Variants in CERS5 observed in about 807,000 individuals in gnomAD.
CERS5 encodes LAG1 homolog, ceramide synthase 5.
Under a neutral mutation model 58.9 loss-of-function variants are expected in CERS5, and 37 were observed. That is an observed-to-expected ratio of 0.63 (90% confidence interval 0.48 to 0.83). The LOEUF is 0.83. Among genes scored for constraint, CERS5 ranks in the 40% least tolerant of loss-of-function variants. CERS5 has a pLI of 0.00. For synonymous variants in CERS5, 147 were observed against 177.8 expected (o/e 0.83, Z 1.38); for missense variants, 398 against 489.3 (o/e 0.81, Z 1.76).
chr12:50,150,137 A>T (rs1000799212), intron 1 of CERS5, among the ~76,000 whole-genome samples: 2 of 152,234 alleles, frequency 1.3e-5, no homozygotes, highest in Admixed American at 6.5e-5. Context: ...CAAAGTAGAC[A>T]TATAAAAAGA....
In CERS5 at chr12:50,130,428, TCC is replaced by T; in HGVS notation, c.*115_*116del. On this transcript the variant is annotated 3_prime_UTR_variant, in exon 10 of 10. Transcript: ENST00000317551. ...GTGAAAATATTTGCTTCTTTGATAC[TCC>T]TCAGTGCCTTGCAGTCTCCCAATCA... 1 of 909,544 alleles carries T rather than the reference TCC, an allele frequency of 1.1e-6. No individual in the cohort carries two copies. Among genetic ancestry groups the T allele is most frequent in the Non-Finnish European group, 1.6e-6 (1 of 641,514 alleles). The allele number at this position is 909,544 out of a possible 1,614,324, so 56.3% of individuals were successfully genotyped here.
At chr12:50,131,558 C>CAAAAAAAAAAAAA (rs752634104) in intron 9 of CERS5, among the ~76,000 whole-genome samples, 5 of 69,798 alleles carry the variant, frequency 7.2e-5, no homozygotes, top group Admixed American at 1.9e-4. Context: ...GACTCCATCT[C>CAAAAAAAAAAAAA]AAAAAAAAAA....
intron 8 of CERS5, 105 bp from the exon 9 acceptor site, chr12:50,134,807 CT>C: frequency 9.8e-7 from 1 of 1,015,750 alleles, no homozygotes; most frequent in Non-Finnish European, 1.4e-6. Context: ...CCTACCAGCC[CT>C]TTTATCAGCT....
At chr12:50,146,672 C>G (rs1188664406) in intron 1 of CERS5, among the ~76,000 whole-genome samples, 1 of 151,370 alleles carries the variant, frequency 6.6e-6, no homozygotes, top group African/African-American at 2.4e-5. Context: ...ACGGTGAAAC[C>G]CCGTCTCTAC....
At chr12:50,143,446 T>C (rs1202454129) in intron 2 of CERS5, 1 of 395,144 alleles carries the variant, frequency 2.5e-6, no homozygotes, top group Non-Finnish European at 4.5e-6. Flanking sequence ...AAAAAGGATA[T>C]TAAAAACCCA....
chr12:50,153,048 C>T (rs1233753300), intron 1 of CERS5, among the ~76,000 whole-genome samples: 2 of 151,710 alleles, frequency 1.3e-5, no homozygotes, highest in Admixed American at 6.6e-5. Flanking sequence ...CCAGCCTGGG[C>T]GACAGAGCAA....
At chr12:50,140,495 G>C (rs1392708756) in intron 4 of CERS5, among the ~76,000 whole-genome samples, 1 of 151,818 alleles carries the variant, frequency 6.6e-6, no homozygotes, top group Non-Finnish European at 1.5e-5. Context: ...CTGTTGCCCA[G>C]GCTGGTCTTG....
At chr12:50,150,608 T>C (rs1937855310) in intron 1 of CERS5, among the ~76,000 whole-genome samples, 1 of 151,906 alleles carries the variant, frequency 6.6e-6, no homozygotes. Flanking sequence ...ATGAAAGGAA[T>C]ATAAACTTAA....
rs572616548 is a variant in CERS5, at chr12:50,134,578, G to A, written c.997C>T (p.Arg333Trp). 6.3e-5 allele frequency: 102 copies of A among 1,614,104 alleles called. 1 individual carries two copies. The South Asian group carries it at 7.7e-4, about 12-fold the overall frequency. Residue 333 changes from arginine (R) to tryptophan (W), a missense_variant, in exon 9 of 10, where the codon CGG becomes TGG. Physicochemically the swap from Arg to Trp is moderately radical, Grantham distance 101. Around this residue, in one of 3 missense-constraint regions of CERS5, gnomAD observed 23 missense variants for 54.6 expected, o/e 0.42. Transcript: ENST00000317551. ...LHVIWSYLIA[R>W]IALKALIRGK... The stretch of plus-strand genomic sequence containing the variant: ...CTGATCAAGGCTTTCAAAGCAATCC[G>A]TGCAATTAGGTAGGACCAGATGACA...
At chr12:50,155,546 C>T (rs969083428) in intron 1 of CERS5, among the ~76,000 whole-genome samples, 7 of 150,888 alleles carry the variant, frequency 4.6e-5, no homozygotes, top group Admixed American at 1.3e-4. Flanking sequence ...ACCATCCTGG[C>T]TAACAGGGTG....
intron 1 of CERS5, among the ~76,000 whole-genome samples, chr12:50,156,423 T>A (rs1301554897): frequency 8.1e-6 from 1 of 123,864 alleles, no homozygotes; most frequent in Non-Finnish European, 1.7e-5. Context: ...AAACAAACTA[T>A]ATATATATAT....
chr12:50,148,944 ATATGTGTGTGTG>A (rs1049153170), intron 1 of CERS5, among the ~76,000 whole-genome samples: 1 of 121,232 alleles, frequency 8.2e-6, no homozygotes, highest in African/African-American at 3.3e-5. Context: ...ATATATATAT[ATATGTGTGTGTG>A]TGTGTGTGTG....
intron 1 of CERS5, among the ~76,000 whole-genome samples, chr12:50,158,728 C>A: frequency 6.6e-6 from 1 of 152,170 alleles, no homozygotes; most frequent in East Asian, 1.9e-4. Context: ...GCCCTAAACA[C>A]AACCACAACA....
At chr12:50,140,744 T>C (rs749509292) in intron 4 of CERS5, among the ~76,000 whole-genome samples, 4 of 152,182 alleles carry the variant, frequency 2.6e-5, no homozygotes, top group Non-Finnish European at 5.9e-5. Context: ...ACTTGAAAAT[T>C]ATATGTATTC....
In CERS5 at chr12:50,143,179, C is replaced by T. The variant is rs779985936; in HGVS notation, c.329G>A (p.Gly110Asp). ...ATTCCAATCCAGCTGCTTTGACAGG[C>T]CCTCCAGCCTTTTCTTATCAGGATA... is the stretch of plus-strand genomic sequence containing the variant. ...TKYPDKKRLE[G>D]LSKQLDWNVR... The change falls in exon 3 of 10, where the codon GGC becomes GAC. Residue 110 changes from glycine to aspartate, a missense_variant. Coordinates refer to ENST00000317551, the MANE Select transcript of CERS5 (RefSeq NM_147190.5). 2 of 1,614,120 alleles carry T rather than the reference C, an allele frequency of 1.2e-6. No homozygotes were observed. Among genetic ancestry groups the T allele is most frequent in the Non-Finnish European group, 1.7e-6 (2 of 1,180,014 alleles).
Position 50,145,006 on chromosome 12 carries a change from T to C in CERS5, c.198-949A>G, listed in dbSNP as rs545319157. 3.4e-4 allele frequency: 89 copies of C among 258,416 alleles called. 1 individual carries two copies. The highest frequency in any genetic ancestry group is 3.2e-3 in the South Asian group (53 of 16,408). The allele number at this position is 258,416 out of a possible 1,614,324, so 16.0% of individuals were successfully genotyped here. The stretch of plus-strand genomic sequence containing the variant: ...AAAAAAAATTATCTGGGCGTGGTGG[T>C]GGGCGCCTGTAATCCCAGCTACTTG... On this transcript the variant is annotated intron_variant, in intron 1 of 9. Transcript: ENST00000317551.
Position 50,130,701 on chromosome 12 carries a change from G to A in CERS5, c.1030-7C>T. ...TGCGATCATCCTTCGATACCTGGGT[G>A]GGATGAGACCAAAGACAGAAAAGTG... On this transcript the variant is annotated splice_polypyrimidine_tract_variant and splice_region_variant and intron_variant, in intron 9 of 9. Coordinates refer to ENST00000317551, the MANE Select transcript of CERS5 (RefSeq NM_147190.5). 1 of 1,574,550 alleles carries A rather than the reference G, an allele frequency of 6.4e-7. No homozygotes were observed. Among genetic ancestry groups the A allele is most frequent in the Non-Finnish European group, 8.7e-7 (1 of 1,150,130 alleles).
At chr12:50,130,720 A>C in intron 9 of CERS5, 26 bp from the exon 10 acceptor site, 2 of 1,550,048 alleles carry the variant, frequency 1.3e-6, no homozygotes, top group Non-Finnish European at 1.8e-6. Context: ...CCAAAGACAG[A>C]AAAGTGAGGA....
At chr12:50,135,451 CT>C (rs1288525761) in intron 8 of CERS5, 1 of 645,812 alleles carries the variant, frequency 1.5e-6, no homozygotes, top group African/African-American at 1.8e-5. Flanking sequence ...AAAATGAGGA[CT>C]GTTCCTCAGA....
Sources: allele counts gnomAD v4.1 joint callset (sites outside exome capture counted in the v4.1 genomes callset), GRCh38; gene constraint gnomAD v4.1.1; regional missense constraint gnomAD v4.1.1; transcripts MANE v1.5; gene names NCBI Gene and HGNC (gene_info 2026-07-23, HGNC 2026-07-21).